Variants in HRK observed in about 807,000 individuals in gnomAD.
HRK encodes the protein harakiri, BCL2 interacting protein, also known as activator of apoptosis harakiri.
Under a neutral mutation model 5.9 loss-of-function variants are expected in HRK, and 6 were observed. That is an observed-to-expected ratio of 1.02 (90% CI 0.56 to 2.01). The LOEUF is 2.01. Among genes scored for constraint, HRK ranks in the 30% most tolerant of loss-of-function variants. The probability of loss-of-function intolerance (pLI) is 0.00; values close to 1 mark genes in which losing one functional copy is unlikely to be tolerated. For synonymous variants in HRK, 85 were observed against 65.1 expected (o/e 1.31, Z -1.47); for missense variants, 133 against 128.3 (o/e 1.04, Z -0.18).
chr12:116,876,633 C>A (rs3748263), intron 1 of HRK: 2,221 of 152,618 alleles, frequency 0.015, 66 homozygotes, highest in East Asian at 0.13. Flanking sequence ...CTCCCTGCCC[C>A]CTCCCCAGGC....
In HRK at chr12:116,881,203, G is replaced by A. The variant is rs1879141647; in HGVS notation, c.105C>T (p.Ala35=). The change falls in exon 1 of 2, where the codon GCC becomes GCT. Residue 35 remains alanine (A), a synonymous_variant. Transcript: ENST00000257572. ...LRSSAAQLTA[A]RLKALGDELH... is the part of the protein sequence containing the mutation. ...GCTCGTCGCCTAGCGCCTTGAGCCG[G>A]GCGGCGGTGAGCTGCGCGGCGGACG... 1 of 1,136,852 alleles carries A rather than the reference G, an allele frequency of 8.8e-7. No homozygotes were observed. Among genetic ancestry groups the A allele is most frequent in the Non-Finnish European group, 1.1e-6 (1 of 928,492 alleles). 70.4% of individuals were successfully genotyped at this position (1,136,852 alleles called of 1,614,324 possible).
At chr12:116,873,954 C>T (rs1467911810) in intron 1 of HRK, among the ~76,000 whole-genome samples, 1 of 152,132 alleles carries the variant, frequency 6.6e-6, no homozygotes, top group Non-Finnish European at 1.5e-5. Flanking sequence ...GAGAGGGGAG[C>T]CAGTGCTGAG....
chr12:116,871,631 A>T lies in HRK; in HGVS notation c.*56+9345T>A, dbSNP rs868104325. ...AAAAAAAAAAAAAAGTATTATTATTATTTTTTTTTTTTTGAGACAGGGTCT... is the reference window on the plus strand; with the variant it reads ...AAAAAAAAAAAAAAGTATTATTATTTTTTTTTTTTTTTTGAGACAGGGTCT... On this transcript the variant is annotated intron_variant, in intron 1 of 1. Coordinates refer to ENST00000257572, the MANE Select transcript of HRK (RefSeq NM_003806.4). Among the ~76,000 whole-genome samples, 386 of 138,676 alleles carry T rather than the reference A, an allele frequency of 2.8e-3. 3 individuals are homozygous for T. Among genetic ancestry groups the T allele is most frequent in the African/African-American group, 8.2e-3 (309 of 37,698 alleles). The allele number at this position is 138,676 out of a possible 152,430, so 91.0% of individuals were successfully genotyped here. A position where few individuals can be genotyped will look rare whatever the true frequency, so the allele number is the denominator to read the frequency against.
intron 1 of HRK, among the ~76,000 whole-genome samples, chr12:116,863,999 G>C (rs1593004331): frequency 6.6e-6 from 1 of 152,254 alleles, no homozygotes; most frequent in Non-Finnish European, 1.5e-5. Context: ...ACCACACCAG[G>C]CCAATTCCCC....
At chr12:116,864,938 G>C (rs1229456017) in intron 1 of HRK, among the ~76,000 whole-genome samples, 1 of 152,170 alleles carries the variant, frequency 6.6e-6, no homozygotes, top group African/African-American at 2.4e-5. Flanking sequence ...AATTTTCTCA[G>C]ATGCTAACTC....
At position 116,881,128 on chromosome 12, in the gene HRK, C is replaced by G. The variant is rs1879134374; in HGVS notation, c.180G>C (p.Pro60=). Residue 60 remains proline (P), a synonymous_variant, in exon 1 of 2, where the codon CCG becomes CCC. Transcript: ENST00000257572. ...WRRRARSRRA[P]APGALPTYWP... ...AGTAGGTGGGGAGCGCGCCGGGCGC[C>G]GGCGCCCTCCGGCTCCGCGCGCGGC... 4.1e-6 allele frequency: 5 copies of G among 1,210,256 alleles called. No individual in the cohort carries two copies. Among genetic ancestry groups the G allele is most frequent in the Non-Finnish European group, 5.1e-6 (5 of 975,180 alleles). 75.0% of individuals were successfully genotyped at this position (1,210,256 alleles called of 1,614,324 possible). A position where few individuals can be genotyped will look rare whatever the true frequency, so the allele number is the denominator to read the frequency against.
intron 1 of HRK, among the ~76,000 whole-genome samples, chr12:116,865,037 A>T (rs1006545710): frequency 1.3e-5 from 2 of 151,726 alleles, no homozygotes; most frequent in Non-Finnish European, 2.9e-5. Context: ...GTGAGGGGGG[A>T]GGCGGGCAGA....
At position 116,881,273 on chromosome 12, in the gene HRK, G is replaced by GGGCCGC. The variant is rs1879146835; in HGVS notation, c.29_34dup (p.Arg10_Gly11dup). 1 of 1,078,954 alleles carries GGGCCGC rather than the reference G, an allele frequency of 9.3e-7. No individual in the cohort carries two copies. The highest frequency in any genetic ancestry group is 1.1e-6 in the Non-Finnish European group (1 of 892,186). The allele number at this position is 1,078,954 out of a possible 1,614,324, so 66.8% of individuals were successfully genotyped here. A position where few individuals can be genotyped will look rare whatever the true frequency, so the allele number is the denominator to read the frequency against. On this transcript the variant is annotated inframe_insertion, in exon 1 of 2. Coordinates refer to ENST00000257572, the MANE Select transcript of HRK (RefSeq NM_003806.4). Reference sequence around the variant, plus strand: ...CGCGCTGCAGGCGCACACGGCCGGGGGGCCGCGGCCGCGGTGCAGGGGGCA... The same window carrying GGGCCGC: ...CGCGCTGCAGGCGCACACGGCCGGGGGGCCGCGGCCGCGGCCGCGGTGCAGGGGGCA...
At chr12:116,876,973 G>A (rs577400593) in intron 1 of HRK, among the ~76,000 whole-genome samples, 8 of 152,280 alleles carry the variant, frequency 5.3e-5, no homozygotes, top group Admixed American at 5.2e-4. Flanking sequence ...TCTCTGCCTC[G>A]GCTTCCCCTT....
At chr12:116,867,731 T>C (rs142750666) in intron 1 of HRK, 2 of 152,314 alleles carry the variant, frequency 1.3e-5, no homozygotes, top group East Asian at 3.9e-4. Flanking sequence ...CAGAACATCA[T>C]GCAGCCATTA....
Position 116,881,209 on chromosome 12 carries a change from G to C in HRK, c.99C>G (p.Thr33=), listed in dbSNP as rs1593013310. ...CGCCTAGCGCCTTGAGCCGGGCGGC[G>C]GTGAGCTGCGCGGCGGACGAGCGCA... ...LGLRSSAAQL[T]AARLKALGDE... The change falls in exon 1 of 2, where the codon ACC becomes ACG. Residue 33 remains threonine, a synonymous_variant. Transcript: ENST00000257572. 2 of 1,129,400 alleles carry C rather than the reference G, an allele frequency of 1.8e-6. No individual in the cohort carries two copies. The highest frequency in any genetic ancestry group is 2.2e-6 in the Non-Finnish European group (2 of 923,846). 70.0% of individuals were successfully genotyped at this position (1,129,400 alleles called of 1,614,324 possible).
chr12:116,866,949 A>G (rs1476404282), intron 1 of HRK, among the ~76,000 whole-genome samples: 1 of 152,020 alleles, frequency 6.6e-6, no homozygotes, highest in Non-Finnish European at 1.5e-5. Context: ...TGACCTAACA[A>G]TTTCACTTTC....
At chr12:116,880,952 G>A in intron 1 of HRK, 24 bp downstream of exon 1, 3 of 1,112,058 alleles carry the variant, frequency 2.7e-6, no homozygotes, top group South Asian at 6.2e-5. Context: ...CCGCGCCCCG[G>A]CTCTCGCTCG....
chr12:116,875,502 T>G (rs1446235085), intron 1 of HRK, among the ~76,000 whole-genome samples: 2 of 152,170 alleles, frequency 1.3e-5, no homozygotes, highest in Non-Finnish European at 2.9e-5. Context: ...GAACCTGAAT[T>G]TGGGAAACAA....
chr12:116,878,056 C>T lies in HRK; in HGVS notation c.*56+2920G>A, dbSNP rs1472805818. On this transcript the variant is annotated intron_variant, in intron 1 of 1. Coordinates refer to ENST00000257572, the MANE Select transcript of HRK (RefSeq NM_003806.4). This position sits in a 1 kb window ranked among gnomAD's most constrained non-coding sequence, Gnocchi z 4.4. ...TCAGCCTCCCGAGTAGCTGGGATTA[C>T]AGGTGTGCACCACCACGCTCAGCTA... 6.6e-6 allele frequency among the ~76,000 whole-genome samples: 1 copy of T among 152,180 alleles called. No homozygotes were observed. Among genetic ancestry groups the T allele is most frequent in the Non-Finnish European group, 1.5e-5 (1 of 68,034 alleles).
In HRK at chr12:116,881,284, G is replaced by A. The variant is rs958775662; in HGVS notation, c.24C>T (p.Arg8=). MCPCPLH[R]GRGPPAVCAC... The stretch of plus-strand genomic sequence containing the variant: ...CGCACACGGCCGGGGGGCCGCGGCC[G>A]CGGTGCAGGGGGCACGGGCACATGA... Residue 8 remains arginine, a synonymous_variant, in exon 1 of 2, where the codon CGC becomes CGT. Coordinates refer to ENST00000257572, the MANE Select transcript of HRK (RefSeq NM_003806.4). 1.0e-4 allele frequency: 108 copies of A among 1,073,012 alleles called. No homozygotes were observed. The highest frequency in any genetic ancestry group is 1.6e-4 in the Admixed American group (3 of 18,764). The allele number at this position is 1,073,012 out of a possible 1,614,324, so 66.5% of individuals were successfully genotyped here. A position where few individuals can be genotyped will look rare whatever the true frequency, so the allele number is the denominator to read the frequency against.
At position 116,858,124 on chromosome 12, in the gene HRK, A is replaced by AAT. The variant is rs1015236843; in HGVS notation, c.*3398_*3399insAT. ...TATCCAAATGAAGGCGGCTAAAAAA[A>AAT]AAAAAAAAAAACGAACAAAAAAACA... On this transcript the variant is annotated 3_prime_UTR_variant, in exon 2 of 2. Transcript: ENST00000257572. 6.6e-6 allele frequency: 1 copy of AAT among 150,784 alleles called. No homozygotes were observed. Among genetic ancestry groups the AAT allele is most frequent in the African/African-American group, 2.4e-5 (1 of 41,042 alleles). 9.3% of individuals were successfully genotyped at this position (150,784 alleles called of 1,614,324 possible). A position where few individuals can be genotyped will look rare whatever the true frequency, so the allele number is the denominator to read the frequency against.
chr12:116,866,593 C>T (rs1352760203), intron 1 of HRK, among the ~76,000 whole-genome samples: 1 of 152,044 alleles, frequency 6.6e-6, no homozygotes, highest in Non-Finnish European at 1.5e-5. Flanking sequence ...AGGAAGAGGC[C>T]ATTTGGCAGC....
chr12:116,870,618 G>C (rs1454934488), intron 1 of HRK, among the ~76,000 whole-genome samples: 1 of 152,160 alleles, frequency 6.6e-6, no homozygotes, highest in Admixed American at 6.6e-5. Flanking sequence ...TTCCAGACCA[G>C]ACTGGGCAAC....
Sources: gnomAD v4.1 joint callset for allele counts (sites outside exome capture counted in the v4.1 genomes callset) on GRCh38, gnomAD v4.1.1 for gene constraint, Gnocchi (gnomAD v3.1) non-coding constraint, MANE v1.5 for transcripts, NCBI Gene and HGNC (gene_info 2026-07-23, HGNC 2026-07-21) for gene names.